NRXN1: variants seen among roughly 807,000 people sequenced by gnomAD.
NRXN1 encodes neurexin 1, also known as neurexin-1.
In NRXN1, 39 loss-of-function variants were observed where a neutral mutation model predicts 150.9. The ratio of observed to expected loss-of-function variants is 0.26; its 90% confidence interval spans 0.20 to 0.34. The LOEUF is 0.34. NRXN1 is among the 10% of genes least tolerant of loss of function. The pLI, the probability that NRXN1 is intolerant of heterozygous loss-of-function variation, is 1.00. For missense variants in NRXN1, 1,815 were observed against 1,949.9 expected, an observed-to-expected ratio of 0.93 and a Z score of 1.30; for synonymous variants, 924 against 757.0, an observed-to-expected ratio of 1.22 and a Z score of -3.62.
At chr2:49,930,481 A>G (rs1222935000) in intron 22 of NRXN1, among the ~76,000 whole-genome samples, 1 of 152,220 alleles carries the variant, frequency 6.6e-6, no homozygotes, top group Non-Finnish European at 1.5e-5. Flanking sequence ...TGCTGGTGAG[A>G]ATATTCTTAA....
chr2:50,581,871 C>G (rs1672317994), intron 8 of NRXN1, among the ~76,000 whole-genome samples: 1 of 152,168 alleles, frequency 6.6e-6, no homozygotes, highest in South Asian at 2.1e-4. Flanking sequence ...AGACTATATG[C>G]CATGTATATA....
At chr2:50,802,495 A>G (rs1466185423) in intron 5 of NRXN1, among the ~76,000 whole-genome samples, 2 of 143,374 alleles carry the variant, frequency 1.4e-5, no homozygotes, top group Admixed American at 1.4e-4. Context: ...TCTGAGAAAG[A>G]GAAATGGAAG....
At chr2:50,503,295 G>A (rs1017334557) in intron 13 of NRXN1, among the ~76,000 whole-genome samples, 5 of 148,832 alleles carry the variant, frequency 3.4e-5, no homozygotes, top group African/African-American at 1.0e-4. Context: ...GTGACAGAAT[G>A]AGACTCCATC....
At chr2:49,998,941 A>C (rs1244793554) in intron 21 of NRXN1, among the ~76,000 whole-genome samples, 1 of 152,146 alleles carries the variant, frequency 6.6e-6, no homozygotes, top group Non-Finnish European at 1.5e-5. Flanking sequence ...AGCCAAACAA[A>C]GCAAGACATT....
intron 18 of NRXN1, among the ~76,000 whole-genome samples, chr2:50,091,810 AC>A (rs1006650084): frequency 3.3e-5 from 5 of 151,966 alleles, no homozygotes; most frequent in Non-Finnish European, 5.9e-5. Flanking sequence ...CTTTAACACA[AC>A]CCCTTTAATC....
intron 12 of NRXN1, among the ~76,000 whole-genome samples, chr2:50,523,176 TAA>T (rs1344895644): frequency 6.6e-6 from 1 of 152,208 alleles, no homozygotes; most frequent in African/African-American, 2.4e-5. Context: ...TAATAATTTA[TAA>T]ACTTTCTTTT....
chr2:50,761,972 C>G (rs994611977), intron 5 of NRXN1, among the ~76,000 whole-genome samples: 1 of 151,826 alleles, frequency 6.6e-6, no homozygotes, highest in African/African-American at 2.4e-5. Context: ...ACAGAATGAA[C>G]GTTGCACTGT....
intron 12 of NRXN1, among the ~76,000 whole-genome samples, chr2:50,517,919 T>TC (rs1448519445): frequency 6.6e-6 from 1 of 152,136 alleles, no homozygotes; most frequent in Non-Finnish European, 1.5e-5. Context: ...TTTCAGTATT[T>TC]CTCGATGCTT....
rs115683868 is a variant in NRXN1 at position 50,738,931 on chromosome 2, T to A, written c.833-115316A>T. ...AGGGGCAATTAGAATTGTCACCAGA[T>A]CCATCCTGGATACATCACTAAGTGT... is the stretch of plus-strand genomic sequence containing the variant. On this transcript the variant is annotated intron_variant, in intron 5 of 22. Coordinates refer to ENST00000401669, the MANE Select transcript of NRXN1 (RefSeq NM_001330078.2). Among the ~76,000 whole-genome samples, 727 of 152,268 alleles carry A rather than the reference T, an allele frequency of 4.8e-3. 6 individuals are homozygous for A. Among genetic ancestry groups the A allele is most frequent in the African/African-American group, 0.016 (682 of 41,566 alleles).
At chr2:49,965,284 T>C (rs1038033471) in intron 21 of NRXN1, among the ~76,000 whole-genome samples, 1 of 152,072 alleles carries the variant, frequency 6.6e-6, no homozygotes, top group Non-Finnish European at 1.5e-5. Context: ...ATATATATTT[T>C]GAGACAGAGT....
At chr2:50,503,247 G>T (rs1218840565) in intron 13 of NRXN1, among the ~76,000 whole-genome samples, 1 of 151,676 alleles carries the variant, frequency 6.6e-6, no homozygotes, top group Non-Finnish European at 1.5e-5. Context: ...GGCGGAGGCT[G>T]CAGTGAGCTG....
chr2:50,801,263 C>T (rs1707545795), intron 5 of NRXN1, among the ~76,000 whole-genome samples: 1 of 152,122 alleles, frequency 6.6e-6, no homozygotes, highest in African/African-American at 2.4e-5. Flanking sequence ...TGAGTCAAAT[C>T]ACTCAGATTC....
At chr2:50,680,393 T>TA (rs1206432381) in intron 5 of NRXN1, among the ~76,000 whole-genome samples, 1 of 151,970 alleles carries the variant, frequency 6.6e-6, no homozygotes, top group East Asian at 1.9e-4. Context: ...GCTTTAAAAT[T>TA]AAAAAAGAAA....
intron 18 of NRXN1, among the ~76,000 whole-genome samples, chr2:50,233,904 C>T (rs1417945113): frequency 6.6e-6 from 1 of 151,974 alleles, no homozygotes; most frequent in Non-Finnish European, 1.5e-5. Context: ...ATAAAACAGC[C>T]TTTCAATATT....
chr2:50,876,460 T>A (rs1678606918), intron 5 of NRXN1, among the ~76,000 whole-genome samples: 1 of 151,766 alleles, frequency 6.6e-6, no homozygotes, highest in South Asian at 2.1e-4. Flanking sequence ...ACTATATATT[T>A]CCCACTGTAC....
chr2:50,281,322 C>CAAT (rs371009865), intron 17 of NRXN1, among the ~76,000 whole-genome samples: 2,097 of 149,034 alleles, frequency 0.014, 58 homozygotes, highest in African/African-American at 0.05. Flanking sequence ...GTCTCAAAAA[C>CAAT]AATAATAATA....
intron 17 of NRXN1, among the ~76,000 whole-genome samples, chr2:50,383,386 T>G (rs1045091604): frequency 6.6e-6 from 1 of 152,076 alleles, no homozygotes; most frequent in African/African-American, 2.4e-5. Flanking sequence ...GCTGCTACCA[T>G]TAAGAGGAAA....
intron 18 of NRXN1, among the ~76,000 whole-genome samples, chr2:50,232,842 A>C (rs1398246840): frequency 6.6e-6 from 1 of 152,156 alleles, no homozygotes; most frequent in Non-Finnish European, 1.5e-5. Flanking sequence ...ACAAAAAATA[A>C]ACATTCATCC....
intron 5 of NRXN1, among the ~76,000 whole-genome samples, chr2:50,693,549 C>CA (rs1692367931): frequency 6.6e-6 from 1 of 152,024 alleles, no homozygotes; most frequent in Non-Finnish European, 1.5e-5. Flanking sequence ...ACCACAAATG[C>CA]AAAAATGGCA....
Sources: gnomAD v4.1 joint callset for allele counts (sites outside exome capture counted in the v4.1 genomes callset) on GRCh38, gnomAD v4.1.1 for gene constraint, MANE v1.5 for transcripts, NCBI Gene and HGNC (gene_info 2026-07-23, HGNC 2026-07-21) for gene names.